The following PTPRU variants were observed in gnomAD, a reference collection of about 807,000 sequenced individuals.
PTPRU encodes the protein protein tyrosine phosphatase receptor type U, also known as receptor-type tyrosine-protein phosphatase U.
In PTPRU, 69 loss-of-function variants were observed where a neutral mutation model predicts 166.3. The ratio of observed to expected loss-of-function variants is 0.41; its 90% confidence interval spans 0.34 to 0.51. PTPRU has a LOEUF of 0.51. Among genes scored for constraint, PTPRU ranks in the 20% least tolerant of loss-of-function variants. The pLI is 0.09. For synonymous variants in PTPRU, 793 were observed against 814.0 expected, an observed-to-expected ratio of 0.97 and a Z score of 0.44; for missense variants, 1,657 against 2,013.7, an observed-to-expected ratio of 0.82 and a Z score of 3.39.
Position 29,260,160 on chromosome 1 carries a change from G to A in PTPRU, c.850+116G>A. The A allele has an allele frequency of 1.7e-6, 2 of 1,146,380 alleles. No individual in the cohort carries two copies. The highest frequency in any genetic ancestry group is 2.3e-6 in the Non-Finnish European group (2 of 880,462). The allele number at this position is 1,146,380 out of a possible 1,614,324, so 71.0% of individuals were successfully genotyped here. A position where few individuals can be genotyped will look rare whatever the true frequency, so the allele number is the denominator to read the frequency against. The stretch of plus-strand genomic sequence containing the variant: ...TGGGGGGTGGGGCCGGCAGGGTGTC[G>A]CTGGGGCGCTATCTGAAGATGGGCC... On this transcript the variant is annotated intron_variant, in intron 6 of 29. Transcript: ENST00000373779. The surrounding 1 kb of genome is among the most constrained non-coding windows in gnomAD (Gnocchi z 8.3).
chr1:29,241,557 G>A (rs1684055058), intron 1 of PTPRU, among the ~76,000 whole-genome samples: 3 of 151,028 alleles, frequency 2.0e-5, no homozygotes. Flanking sequence ...TGGGTGTGGG[G>A]TGCCATGTGT....
At chr1:29,252,543 C>T (rs2151942548) in intron 1 of PTPRU, among the ~76,000 whole-genome samples, 1 of 152,256 alleles carries the variant, frequency 6.6e-6, no homozygotes, top group South Asian at 2.1e-4. Flanking sequence ...GTTGGGATTA[C>T]AGGTGTGAGC....
intron 13 of PTPRU, 123 bp downstream of exon 13, chr1:29,284,099 GC>G: frequency 1.7e-6 from 2 of 1,185,848 alleles, no homozygotes; most frequent in Non-Finnish European, 2.5e-6. Flanking sequence ...CAGTCCTGGG[GC>G]CAGGAGGGGC....
At chr1:29,253,371 G>A (rs1684638464) in intron 1 of PTPRU, among the ~76,000 whole-genome samples, 1 of 152,006 alleles carries the variant, frequency 6.6e-6, no homozygotes, top group Admixed American at 6.6e-5. Context: ...GCCTTTCCGT[G>A]GCATTCCTTC....
Position 29,279,373 on chromosome 1 carries a change from C to G in PTPRU, c.1564-83C>G. 6 of 1,449,700 alleles carry G rather than the reference C, an allele frequency of 4.1e-6. No individual in the cohort carries two copies. In the South Asian group the frequency reaches 6.9e-5, roughly 17 times the overall value. 89.8% of individuals were successfully genotyped at this position (1,449,700 alleles called of 1,614,324 possible). A position where few individuals can be genotyped will look rare whatever the true frequency, so the allele number is the denominator to read the frequency against. ...CTTTGCTTAGCCTTATCTCTCACTT[C>G]CCTGGGACATGGTGGGTGGAGGCTG... On this transcript the variant is annotated intron_variant, in intron 9 of 29. Coordinates refer to ENST00000373779, the MANE Select transcript of PTPRU (RefSeq NM_133178.4). This position sits in a 1 kb window ranked among gnomAD's most constrained non-coding sequence, Gnocchi z 5.2.
rs201795899 is a variant in PTPRU at position 29,323,777 on chromosome 1, C to G, written c.4101C>G (p.Ile1367Met). Reference sequence around the variant, plus strand: ...CCGAGAGTGGGGATGGGCGCACCATCGTGCACTGCCTGTGAGTACCTGCCC... The same window carrying G: ...CCGAGAGTGGGGATGGGCGCACCATGGTGCACTGCCTGTGAGTACCTGCCC... ...WQAESGDGRT[I>M]VHCLNGGGRS... Residue 1367 changes from isoleucine to methionine, a missense_variant, in exon 28 of 30, where the codon ATC becomes ATG. Coordinates refer to ENST00000373779, the MANE Select transcript of PTPRU (RefSeq NM_133178.4). The G allele has an allele frequency of 5.8e-5, 93 of 1,613,996 alleles. No homozygotes were observed. The East Asian group carries it at 8.9e-4, about 15-fold the overall frequency.
chr1:29,259,647 C>A, intron 5 of PTPRU, 83 bp downstream of exon 5: 1 of 1,367,586 alleles, frequency 7.3e-7, no homozygotes, highest in Non-Finnish European at 9.9e-7. Flanking sequence ...CCCCAGATTG[C>A]TGAGTCCCTG....
At chr1:29,298,357 C>T (rs1233004186) in intron 15 of PTPRU, among the ~76,000 whole-genome samples, 5 of 152,166 alleles carry the variant, frequency 3.3e-5, no homozygotes, top group African/African-American at 9.7e-5. Context: ...TCTTCTCTGC[C>T]CTCCACTTGC....
At position 29,259,906 on chromosome 1, in the gene PTPRU, C is replaced by G. The variant is rs1285923055; in HGVS notation, c.712C>G (p.Arg238Gly). The change falls in exon 6 of 30, where the codon CGG becomes GGG. Residue 238 changes from arginine to glycine, a missense_variant. Arg to Gly is a moderately radical substitution (Grantham distance 125). Around this residue, in one of 3 missense-constraint regions of PTPRU, gnomAD observed 453 missense variants for 496.9 expected, o/e 0.91. Transcript: ENST00000373779. ...SGALVPAAGV[R>G]HISHRRFLAT... The stretch of plus-strand genomic sequence containing the variant: ...GGCGCTGGTGCCGGCGGCGGGCGTG[C>G]GGCACATCAGCCACCGGCGCTTCCT... 1 of 1,531,612 alleles carries G rather than the reference C, an allele frequency of 6.5e-7. No individual in the cohort carries two copies. Among genetic ancestry groups the G allele is most frequent in the Non-Finnish European group, 8.7e-7 (1 of 1,145,504 alleles). The allele number at this position is 1,531,612 out of a possible 1,614,324, so 94.9% of individuals were successfully genotyped here.
At chr1:29,283,530 T>G (rs1686199327) in intron 12 of PTPRU, among the ~76,000 whole-genome samples, 1 of 152,008 alleles carries the variant, frequency 6.6e-6, no homozygotes, top group African/African-American at 2.4e-5. Context: ...GATTCCAGCG[T>G]TCCTGTGTTA....
chr1:29,319,466 G>A (rs1295731377), intron 25 of PTPRU, among the ~76,000 whole-genome samples: 1 of 152,222 alleles, frequency 6.6e-6, no homozygotes, highest in Non-Finnish European at 1.5e-5. Flanking sequence ...TTGGAGCCAG[G>A]AGGCCCCATT....
Position 29,325,323 on chromosome 1 carries a change from C to G in PTPRU, c.4245C>G (p.Thr1415=). 6.2e-7 allele frequency: 1 copy of G among 1,614,154 alleles called. No individual in the cohort carries two copies. The highest frequency in any genetic ancestry group is 8.5e-7 in the Non-Finnish European group (1 of 1,179,962). ...ACTACAAACCCAACATGGTGGAGAC[C>G]ATGGTGAGGGGCTGTGTCCCGTGCC... is the stretch of plus-strand genomic sequence containing the variant. The part of the protein sequence containing the change: ...LRNYKPNMVE[T]MDQYHFCYDV... Residue 1415 remains threonine (T), a synonymous_variant, in exon 29 of 30, where the codon ACC becomes ACG. Transcript: ENST00000373779.
chr1:29,297,033 T>C (rs1251700107), intron 15 of PTPRU, among the ~76,000 whole-genome samples: 1 of 151,682 alleles, frequency 6.6e-6, no homozygotes, highest in Non-Finnish European at 1.5e-5. Context: ...TTTATACCAT[T>C]TTACCCTGCT....
intron 25 of PTPRU, among the ~76,000 whole-genome samples, chr1:29,319,232 T>A (rs1452564439): frequency 1.3e-5 from 2 of 152,178 alleles, no homozygotes; most frequent in African/African-American, 4.8e-5. Flanking sequence ...ATCTTTGAAC[T>A]AAACTTAGGA....
In PTPRU at chr1:29,317,285, C is replaced by G. The variant is rs748217804; in HGVS notation, c.3514-463C>G. Reference sequence around the variant, plus strand: ...GGCCGTGACCAAGGAACGTGACCCCCTCTCCACGTGCCTGGAGTCCGCTTC... The same window carrying G: ...GGCCGTGACCAAGGAACGTGACCCCGTCTCCACGTGCCTGGAGTCCGCTTC... On this transcript the variant is annotated intron_variant, in intron 24 of 29. Coordinates refer to ENST00000373779, the MANE Select transcript of PTPRU (RefSeq NM_133178.4). The surrounding 1 kb of genome is among the most constrained non-coding windows in gnomAD (Gnocchi z 5.6). Among the ~76,000 whole-genome samples, 3 of 152,142 alleles carry G rather than the reference C, an allele frequency of 2.0e-5. No homozygotes were observed. The highest frequency in any genetic ancestry group is 4.4e-5 in the Non-Finnish European group (3 of 68,024).
At chr1:29,292,053 C>G (rs367656737) in intron 15 of PTPRU, 27 bp downstream of exon 15, 5 of 1,611,420 alleles carry the variant, frequency 3.1e-6, no homozygotes, top group Non-Finnish European at 4.2e-6. Context: ...CCTACCCCTT[C>G]TTCATGGCTC....
At chr1:29,297,147 C>T (rs990805942) in intron 15 of PTPRU, among the ~76,000 whole-genome samples, 27 of 151,142 alleles carry the variant, frequency 1.8e-4, no homozygotes, top group African/African-American at 4.9e-4. Context: ...CTCTGCCTCC[C>T]GGGTTCAAGT....
rs182093295 is a variant in PTPRU at position 29,290,161 on chromosome 1, T to C, written c.2319-1708T>C. 5.9e-5 allele frequency among the ~76,000 whole-genome samples: 9 copies of C among 152,346 alleles called. No individual in the cohort carries two copies. The East Asian group carries it at 1.5e-3, about 26-fold the overall frequency. On this transcript the variant is annotated intron_variant, in intron 14 of 29. Transcript: ENST00000373779. ...GGGTGGGGCCTACCTGTTCTGAGAC[T>C]GGCAGCTTCTCCCACAGCACAGGCA...
In PTPRU at chr1:29,258,558, G is replaced by A; in HGVS notation, c.259G>A (p.Val87Ile). 6.2e-7 allele frequency: 1 copy of A among 1,614,218 alleles called. No homozygotes were observed. ...SQHAPGQRAH[V>I]IFQSLSENDT... The stretch of plus-strand genomic sequence containing the variant: ...GCATGCCCCAGGCCAGCGAGCCCAT[G>A]TCATCTTCCAGAGCCTGAGCGAGAA... Residue 87 changes from valine to isoleucine, a missense_variant, in exon 3 of 30, where the codon GTC (valine) becomes ATC (isoleucine). Coordinates refer to ENST00000373779, the MANE Select transcript of PTPRU (RefSeq NM_133178.4).
Sources: allele counts gnomAD v4.1 joint callset (sites outside exome capture counted in the v4.1 genomes callset), GRCh38; gene constraint gnomAD v4.1.1; regional missense constraint gnomAD v4.1.1; non-coding constraint Gnocchi (gnomAD v3.1); transcripts MANE v1.5; gene names NCBI Gene and HGNC (gene_info 2026-07-23, HGNC 2026-07-21).